The following CD8B2 variants were observed in gnomAD, a reference collection of about 807,000 sequenced individuals.
The protein encoded by CD8B2 is CD8B family member 2, also known as T-cell surface glycoprotein CD8 beta-2 chain.
A neutral mutation model predicts 23.7 loss-of-function variants in CD8B2; 11 were observed. The ratio of observed to expected loss-of-function variants is 0.46; its 90% CI spans 0.29 to 0.77. The LOEUF (loss-of-function observed/expected upper bound fraction) is 0.77. Among genes scored for constraint, CD8B2 ranks in the 30% least tolerant of loss-of-function variants. The pLI is 0.09. For missense variants in CD8B2, 197 were observed against 270.5 expected, an observed-to-expected ratio of 0.73 and a Z score of 1.91; for synonymous variants, 90 against 109.3, an observed-to-expected ratio of 0.82 and a Z score of 1.10.
At chr2:106,503,309 C>T (rs1301270992) in intron 4 of CD8B2, among the ~76,000 whole-genome samples, 2 of 152,148 alleles carry the variant, frequency 1.3e-5, no homozygotes, top group Admixed American at 1.3e-4. Context: ...TGAACTAGAT[C>T]AGTGGCTCTT....
intron 4 of CD8B2, among the ~76,000 whole-genome samples, chr2:106,503,713 C>G (rs56956664): frequency 4.0e-5 from 6 of 151,412 alleles, no homozygotes; most frequent in Admixed American, 3.3e-4. Flanking sequence ...GAGGGAGGAT[C>G]ACTTGAGCCC....
chr2:106,501,573 T>C (rs1679406882), intron 3 of CD8B2, among the ~76,000 whole-genome samples: 1 of 152,096 alleles, frequency 6.6e-6, no homozygotes, highest in Admixed American at 6.5e-5. Flanking sequence ...TCCCAGCTAC[T>C]TGGGAGGCTG....
At chr2:106,497,726 G>A (rs909934029) in intron 3 of CD8B2, among the ~76,000 whole-genome samples, 11 of 152,274 alleles carry the variant, frequency 7.2e-5, no homozygotes, top group African/African-American at 2.6e-4. Flanking sequence ...CAGAACCAAT[G>A]TACAGAAGAG....
intron 2 of CD8B2, among the ~76,000 whole-genome samples, chr2:106,495,754 C>A (rs1679287188): frequency 6.6e-6 from 1 of 152,054 alleles, no homozygotes; most frequent in Non-Finnish European, 1.5e-5. Flanking sequence ...GGGGAACAGT[C>A]ATAAGGACTT....
Position 106,496,062 on chromosome 2 carries a change from T to C in CD8B2, c.404-111T>C, listed in dbSNP as rs553841853. ...GATCTCCTGCCTTGGCCTCCGGAAG[T>C]GTTGGGATTCCAGGCATGAGCCACC... On this transcript the variant is annotated intron_variant, in intron 2 of 5. Transcript: ENST00000643224. 1.8e-5 allele frequency: 28 copies of C among 1,526,016 alleles called. No individual in the cohort carries two copies. In the East Asian group the frequency reaches 3.4e-4, roughly 19 times the overall value. 94.5% of individuals were successfully genotyped at this position (1,526,016 alleles called of 1,614,324 possible).
chr2:106,496,767 A>G (rs1679307734), intron 3 of CD8B2, among the ~76,000 whole-genome samples: 1 of 151,782 alleles, frequency 6.6e-6, no homozygotes, highest in Admixed American at 6.6e-5. Context: ...GGCTTGGGAA[A>G]GAAATGGGGA....
chr2:106,487,467 C>G lies in CD8B2; in HGVS notation c.41C>G (p.Thr14Arg), dbSNP rs1679098303. Reference protein sequence around the residue: ...RLWLLLAAQLTVLHGNSVLQQ... With the variant: ...RLWLLLAAQLRVLHGNSVLQQ... ...TGGCTCCTCCTGGCCGCGCAGCTGA[C>G]AGGTAAGGCGGCGGCGCGCGGGCTG... is the stretch of plus-strand genomic sequence containing the variant. The change falls in exon 1 of 6, where the codon ACA becomes AGA. Residue 14 changes from threonine (T) to arginine (R), a missense_variant and splice_region_variant. Around this residue, in one of 3 missense-constraint regions of CD8B2, gnomAD observed 140 missense variants for 164.2 expected, o/e 0.85. Transcript: ENST00000643224. The G allele has an allele frequency of 3.2e-6, 4 of 1,246,350 alleles. No homozygotes were observed. The highest frequency in any genetic ancestry group is 1.6e-5 in the African/African-American group (1 of 64,414). 77.2% of individuals were successfully genotyped at this position (1,246,350 alleles called of 1,614,324 possible). A position where few individuals can be genotyped will look rare whatever the true frequency, so the allele number is the denominator to read the frequency against.
intron 5 of CD8B2, among the ~76,000 whole-genome samples, chr2:106,534,609 C>A (rs910875269): frequency 2.6e-5 from 4 of 152,050 alleles, no homozygotes; most frequent in Non-Finnish European, 5.9e-5. Flanking sequence ...CCCAGGGGAA[C>A]GCCGGGTTCC....
At chr2:106,515,010 T>A (rs4676043), downstream of CD8B2, among the ~76,000 whole-genome samples, 1 of 152,336 alleles carries the variant, frequency 6.6e-6, no homozygotes, top group Middle Eastern at 3.4e-3. Flanking sequence ...GCTGGAATAA[T>A]CGAGCGCTAC....
chr2:106,500,268 C>T (rs1679378203), intron 3 of CD8B2, among the ~76,000 whole-genome samples: 1 of 137,954 alleles, frequency 7.2e-6, no homozygotes, highest in African/African-American at 2.7e-5. Context: ...CCTGTAATCC[C>T]AGCACTTTGG....
chr2:106,523,252 G>A (rs368435969), intron 5 of CD8B2, among the ~76,000 whole-genome samples: 10 of 152,200 alleles, frequency 6.6e-5, no homozygotes, highest in East Asian at 1.9e-4. Context: ...AGTGATCCTC[G>A]ATCACCTGGC....
intron 5 of CD8B2, among the ~76,000 whole-genome samples, chr2:106,517,052 C>T (rs1235902019): frequency 6.7e-6 from 1 of 148,468 alleles, no homozygotes; most frequent in Admixed American, 6.8e-5. Context: ...ATAAATATTT[C>T]ATTATATTAT....
intron 5 of CD8B2, among the ~76,000 whole-genome samples, chr2:106,531,738 G>T (rs1285143092): frequency 6.6e-6 from 1 of 152,186 alleles, no homozygotes; most frequent in African/African-American, 2.4e-5. Context: ...TTCCAGTCCA[G>T]TGAGAACAGC....
At chr2:106,487,660 C>CCCGGGGGA (rs1454355447) in intron 1 of CD8B2, among the ~76,000 whole-genome samples, 191 bp downstream of exon 1, 1 of 152,100 alleles carries the variant, frequency 6.6e-6, no homozygotes, top group African/African-American at 2.4e-5. Flanking sequence ...ATCGCATTAC[C>CCCGGGGGA]CCGGGGGACC....
intron 5 of CD8B2, among the ~76,000 whole-genome samples, chr2:106,531,093 C>T (rs1363547568): frequency 3.9e-5 from 6 of 152,208 alleles, no homozygotes; most frequent in African/African-American, 1.4e-4. Context: ...CTGACTCACC[C>T]TAAATTATTT....
At chr2:106,517,579 C>A (rs1417295262) in intron 5 of CD8B2, among the ~76,000 whole-genome samples, 2 of 152,156 alleles carry the variant, frequency 1.3e-5, no homozygotes, top group African/African-American at 4.8e-5. Context: ...CACAGAGAGC[C>A]CCGTCAGCCT....
At chr2:106,534,247 T>C (rs1680052938) in intron 5 of CD8B2, among the ~76,000 whole-genome samples, 1 of 151,854 alleles carries the variant, frequency 6.6e-6, no homozygotes, top group Non-Finnish European at 1.5e-5. Context: ...GGGAACAAAA[T>C]GGATATGCAG....
At chr2:106,489,297 C>T (rs979473346) in intron 1 of CD8B2, among the ~76,000 whole-genome samples, 9 of 151,774 alleles carry the variant, frequency 5.9e-5, no homozygotes, top group African/African-American at 9.7e-5. Context: ...GCCACCACAC[C>T]CGGCCCCATC....
chr2:106,511,230 C>T (rs11685324), downstream of CD8B2, among the ~76,000 whole-genome samples: 4,213 of 152,042 alleles, frequency 0.028, 68 homozygotes, highest in Non-Finnish European at 0.029. Flanking sequence ...CCTGGGTCTT[C>T]ACCAGCTGTA....
Sources: allele counts gnomAD v4.1 joint callset (sites outside exome capture counted in the v4.1 genomes callset), GRCh38; gene constraint gnomAD v4.1.1; regional missense constraint gnomAD v4.1.1; transcripts MANE v1.5; gene names NCBI Gene and HGNC (gene_info 2026-07-23, HGNC 2026-07-21).